The following MAP4K4 variants were observed in gnomAD, a reference collection of about 807,000 sequenced individuals.
MAP4K4 encodes mitogen-activated protein kinase kinase kinase kinase 4.
A neutral mutation model predicts 189.6 loss-of-function variants in MAP4K4; 38 were observed. That is an observed-to-expected ratio of 0.20 (90% CI 0.15 to 0.26). MAP4K4 has a LOEUF of 0.26. Ranked by LOEUF, MAP4K4 falls within the 10% of genes least tolerant of loss-of-function variation. MAP4K4 has a pLI of 1.00. For synonymous variants in MAP4K4, 610 were observed against 624.3 expected, an observed-to-expected ratio of 0.98 and a Z score of 0.34; for missense variants, 1,054 against 1,726.9, an observed-to-expected ratio of 0.61 and a Z score of 6.91.
chr2:101,743,243 A>T (rs1433485510), intron 2 of MAP4K4, among the ~76,000 whole-genome samples: 1 of 152,122 alleles, frequency 6.6e-6, no homozygotes, highest in Non-Finnish European at 1.5e-5. Flanking sequence ...GCATGAGCAG[A>T]TAGATGTTGA....
At chr2:101,832,865 A>G (rs377644812) in intron 7 of MAP4K4, among the ~76,000 whole-genome samples, 23 of 138,210 alleles carry the variant, frequency 1.7e-4, no homozygotes, top group East Asian at 4.3e-4. Flanking sequence ...CTAATGTTCT[A>G]CCCTCTAGAT....
In MAP4K4 at chr2:101,704,565, ATATTT is replaced by A. The variant is rs2041104692; in HGVS notation, c.123+6029_123+6033del. Among the ~76,000 whole-genome samples the A allele has an allele frequency of 4.2e-4, 17 of 40,348 alleles. No homozygotes were observed. The South Asian group carries it at 6.3e-3, about 15-fold the overall frequency. 26.5% of individuals were successfully genotyped at this position (40,348 alleles called of 152,430 possible). On this transcript the variant is annotated intron_variant, in intron 2 of 32. Coordinates refer to ENST00000324219, the Ensembl canonical transcript of MAP4K4. Reference sequence around the variant, plus strand: ...TGTATATATATATATATATATATATATATTTTTTTTTTTTTTTTTTTTTTTGAGAT... The same window carrying A: ...TGTATATATATATATATATATATATATTTTTTTTTTTTTTTTTTTTGAGAT...
At chr2:101,874,100 GGAT>G in exon 26 of MAP4K4, 1 of 1,613,344 alleles carries the variant, frequency 6.2e-7, no homozygotes, top group Non-Finnish European at 8.5e-7. Flanking sequence ...TCCTGTGATG[GGAT>G]GAGACCAGAA....
chr2:101,724,039 TA>T (rs2053796781), intron 2 of MAP4K4, among the ~76,000 whole-genome samples: 1 of 152,238 alleles, frequency 6.6e-6, no homozygotes, highest in Admixed American at 6.5e-5. Flanking sequence ...CATGTTTCCC[TA>T]AGGCTTCTTA....
intron 24 of MAP4K4, 112 bp from the exon 25 acceptor site, chr2:101,873,535 T>C (rs1334400282): frequency 4.7e-6 from 3 of 634,958 alleles, no homozygotes; most frequent in Admixed American, 4.9e-5. Flanking sequence ...GCAAGGCAAA[T>C]AGAGCAAAGT....
chr2:101,863,956 G>C (rs2097745790), exon 17 of MAP4K4: 1 of 1,367,676 alleles, frequency 7.3e-7, no homozygotes, highest in African/African-American at 1.5e-5. Context: ...TTCCCGCAGT[G>C]AGGTGCTCAG....
intron 2 of MAP4K4, among the ~76,000 whole-genome samples, chr2:101,722,118 G>C (rs953045420): frequency 3.3e-5 from 5 of 152,094 alleles, no homozygotes; most frequent in African/African-American, 1.2e-4. Flanking sequence ...GGTACATCTT[G>C]GTATATCTTG....
intron 3 of MAP4K4, among the ~76,000 whole-genome samples, chr2:101,810,130 TATA>T (rs1435981789): frequency 1.3e-5 from 2 of 152,182 alleles, no homozygotes; most frequent in Non-Finnish European, 2.9e-5. Flanking sequence ...GCTGGTTTGG[TATA>T]ATAGGTAGCA....
chr2:101,844,670 C>T (rs182459814), intron 12 of MAP4K4, among the ~76,000 whole-genome samples: 1 of 152,230 alleles, frequency 6.6e-6, no homozygotes, highest in African/African-American at 2.4e-5. Flanking sequence ...GACCTGATTG[C>T]TTTTCTACTC....
chr2:101,874,047 G>GTA, intron 25 of MAP4K4, 35 bp from the exon 26 acceptor site: 1 of 1,577,656 alleles, frequency 6.3e-7, no homozygotes, highest in East Asian at 2.2e-5. Flanking sequence ...GTGTGTGTGT[G>GTA]TACAGAAAAT....
chr2:101,740,387 C>T (rs888164074), intron 2 of MAP4K4, among the ~76,000 whole-genome samples: 1 of 142,784 alleles, frequency 7.0e-6, no homozygotes, highest in East Asian at 1.9e-4. Flanking sequence ...ATCTCCTGAC[C>T]TCGTGATCCG....
chr2:101,875,585 A>C (rs1323254016), intron 26 of MAP4K4, among the ~76,000 whole-genome samples: 1 of 152,258 alleles, frequency 6.6e-6, no homozygotes, highest in Non-Finnish European at 1.5e-5. Context: ...GTGGGCATAC[A>C]TGTATGTGCC....
rs554343506 is a variant in MAP4K4 at position 101,705,568 on chromosome 2, CT to C, written c.123+7037del. Among the ~76,000 whole-genome samples, 25 of 152,284 alleles carry C rather than the reference CT, an allele frequency of 1.6e-4. 1 individual carries two copies. The South Asian group carries it at 2.5e-3, about 15-fold the overall frequency. On this transcript the variant is annotated intron_variant, in intron 2 of 32. Transcript: ENST00000324219. ...GGTAGACATATAGAATATCAGTCTA[CT>C]TTTTTTACTCGTAGAATCAAAAGAC...
chr2:101,734,586 G>C (rs1293657699), intron 2 of MAP4K4, among the ~76,000 whole-genome samples: 1 of 63,928 alleles, frequency 1.6e-5, no homozygotes, highest in Non-Finnish European at 2.8e-5. Context: ...ATTTACCCGC[G>C]CACACAATCA....
At chr2:101,778,927 C>G (rs972732400) in intron 2 of MAP4K4, among the ~76,000 whole-genome samples, 2 of 152,124 alleles carry the variant, frequency 1.3e-5, no homozygotes, top group African/African-American at 4.8e-5. Flanking sequence ...TTCCACCTCA[C>G]CCCTCTTTCT....
chr2:101,774,108 T>C (rs942146942), intron 2 of MAP4K4, among the ~76,000 whole-genome samples: 15 of 152,208 alleles, frequency 9.9e-5, no homozygotes, highest in African/African-American at 3.4e-4. Flanking sequence ...ATATGGTAGC[T>C]CTATTTATAG....
intron 2 of MAP4K4, among the ~76,000 whole-genome samples, chr2:101,719,754 G>A (rs1003664061): frequency 1.3e-5 from 2 of 152,336 alleles, no homozygotes; most frequent in African/African-American, 4.8e-5. Context: ...GCTCACGCCT[G>A]TAATCCCAGT....
At chr2:101,892,578 G>A (rs761249719) in exon 33 of MAP4K4, 1 of 284,602 alleles carries the variant, frequency 3.5e-6, no homozygotes, top group Admixed American at 5.0e-5. Flanking sequence ...CCTTTTCTTG[G>A]GGGTGGGGGA....
intron 12 of MAP4K4, among the ~76,000 whole-genome samples, chr2:101,845,183 A>T (rs1379389746): frequency 7.2e-6 from 1 of 138,362 alleles, no homozygotes; most frequent in East Asian, 2.1e-4. Context: ...AAAAAAAAAT[A>T]AAAATAAAAA....
Sources: allele counts gnomAD v4.1 joint callset (sites outside exome capture counted in the v4.1 genomes callset), GRCh38; gene constraint gnomAD v4.1.1; transcripts MANE v1.5; gene names NCBI Gene and HGNC (gene_info 2026-07-23, HGNC 2026-07-21).